The following ALPK2 variants were observed in gnomAD, a reference collection of about 807,000 sequenced individuals.
ALPK2 encodes the protein alpha-protein kinase 2.
ALPK2 carries 127 observed loss-of-function variants against 163.1 expected under a neutral mutation model. That is an observed-to-expected ratio of 0.78 (90% CI 0.67 to 0.90). ALPK2 has a LOEUF of 0.90. Among genes scored for constraint, ALPK2 ranks in the 40% least tolerant of loss-of-function variants. ALPK2 has a pLI of 0.00. For synonymous variants in ALPK2, 953 were observed against 959.1 expected, an observed-to-expected ratio of 0.99 and a Z score of 0.12; for missense variants, 2,360 against 2,589.6, an observed-to-expected ratio of 0.91 and a Z score of 1.92.
intron 1 of ALPK2, among the ~76,000 whole-genome samples, chr18:58,615,198 C>T (rs780450432): frequency 9.2e-5 from 14 of 152,144 alleles, no homozygotes; most frequent in Non-Finnish European, 1.2e-4. Context: ...GTATCAGTAC[C>T]TCATTCCTTT....
Position 58,579,692 on chromosome 18 carries a change from C to T in ALPK2, c.1084G>A (p.Glu362Lys), listed in dbSNP as rs763980190. 8.1e-5 allele frequency: 130 copies of T among 1,614,016 alleles called. No individual in the cohort carries two copies. The highest frequency in any genetic ancestry group is 1.6e-4 in the Middle Eastern group (1 of 6,084). ...CAATGCTCACCGAATTCCATCTCTT[C>T]GTCATCGCTTTCTAATAAAAAAACA... ...EHVFLLESDD[E>K]EMEFGEHCLG... The change falls in exon 4 of 13, where the codon GAA becomes AAA. Residue 362 changes from glutamate to lysine, a missense_variant. Glu to Lys is a moderately conservative substitution (Grantham distance 56, BLOSUM62 1). Coordinates refer to ENST00000361673, the MANE Select transcript of ALPK2 (RefSeq NM_052947.4).
chr18:58,512,123 C>T (rs540124695), intron 10 of ALPK2: 1 of 152,420 alleles, frequency 6.6e-6, no homozygotes, highest in South Asian at 2.1e-4. Context: ...TCTGCAGGAT[C>T]CAGGGCACCC....
rs1420110099 is a variant in ALPK2, at chr18:58,504,022, T to C, written c.6156A>G (p.Arg2052=). 6 of 1,614,090 alleles carry C rather than the reference T, an allele frequency of 3.7e-6. No homozygotes were observed. In the African/African-American group the frequency reaches 8.0e-5, roughly 22 times the overall value. Residue 2052 remains arginine (R), a synonymous_variant, in exon 11 of 13, where the codon AGA becomes AGG. Transcript: ENST00000361673. Reference sequence around the variant, plus strand: ...ATTTCTGACCAGCTTCTGATTCTCTTCTCAAGAAGTTTATTTCTTTCCCAT... The same window carrying C: ...ATTTCTGACCAGCTTCTGATTCTCTCCTCAAGAAGTTTATTTCTTTCCCAT... ...IRDGKEINFL[R]RESEAGQKCC... is the part of the protein sequence containing the mutation.
intron 4 of ALPK2, among the ~76,000 whole-genome samples, chr18:58,555,234 C>T (rs1241968045): frequency 6.6e-6 from 1 of 152,012 alleles, no homozygotes; most frequent in African/African-American, 2.4e-5. Context: ...CTCTTCTTAA[C>T]AATTAGATTC....
intron 4 of ALPK2, among the ~76,000 whole-genome samples, chr18:58,540,101 T>C (rs2051682533): frequency 6.6e-6 from 1 of 152,234 alleles, no homozygotes; most frequent in Non-Finnish European, 1.5e-5. Flanking sequence ...AGGCAAATGC[T>C]CATCTACAAG....
At chr18:58,560,315 T>A (rs1436755669) in intron 4 of ALPK2, among the ~76,000 whole-genome samples, 1 of 152,254 alleles carries the variant, frequency 6.6e-6, no homozygotes, top group Non-Finnish European at 1.5e-5. Context: ...TTGTGAGGCC[T>A]GCTCAGCCAT....
At chr18:58,550,679 CCACCTCCAT>C (rs2051753343) in intron 4 of ALPK2, among the ~76,000 whole-genome samples, 2 of 151,178 alleles carry the variant, frequency 1.3e-5, no homozygotes, top group African/African-American at 4.9e-5. Context: ...AACCCCATCC[CCACCTCCAT>C]CGTGTACAAC....
At position 58,535,011 on chromosome 18, in the gene ALPK2, C is replaced by A. The variant is rs774756996; in HGVS notation, c.5176G>T (p.Gly1726Ter). The A allele has an allele frequency of 3.7e-6, 6 of 1,613,972 alleles. No homozygotes were observed. The Admixed American group carries it at 1.0e-4, about 27-fold the overall frequency. The change falls in exon 5 of 13, where the codon GGA becomes TGA. Residue 1726 changes from glycine to a stop codon, truncating the protein, a stop_gained. Coordinates refer to ENST00000361673, the MANE Select transcript of ALPK2 (RefSeq NM_052947.4). LOFTEE classifies it high-confidence loss of function. The stretch of plus-strand genomic sequence containing the variant: ...CTGGACAAAATTTTCTTCTTTACTC[C>A]CTCAGCTAAATGTCCACTGCCTGGG... Reference protein sequence around the residue: ...EAPGSGHLAEGVKKKILSRVA... With the variant: ...EAPGSGHLAE
rs759047536 is a variant in ALPK2, at chr18:58,579,562, G to A, written c.1214C>T (p.Ser405Leu). 8 of 1,613,416 alleles carry A rather than the reference G, an allele frequency of 5.0e-6. No homozygotes were observed. Among genetic ancestry groups the A allele is most frequent in the Non-Finnish European group, 6.8e-6 (8 of 1,179,994 alleles). The change falls in exon 4 of 13, where the codon TCA (serine) becomes TTA (leucine). Residue 405 changes from serine (S) to leucine (L), a missense_variant. Ser to Leu is a moderately radical substitution (Grantham distance 145). Coordinates refer to ENST00000361673, the MANE Select transcript of ALPK2 (RefSeq NM_052947.4). Reference sequence around the variant, plus strand: ...CCTCACCCCAACTTCTTGGGGTTGTGAGTGATGACCACAGAAGCCAGCAGT... The same window carrying A: ...CCTCACCCCAACTTCTTGGGGTTGTAAGTGATGACCACAGAAGCCAGCAGT... ...VATAGFCGHH[S>L]QPQEVGVRSS...
At chr18:58,621,796 A>G (rs1452281510) in intron 1 of ALPK2, among the ~76,000 whole-genome samples, 2 of 152,164 alleles carry the variant, frequency 1.3e-5, no homozygotes, top group Non-Finnish European at 2.9e-5. Context: ...ATCTTACCTA[A>G]TAAACAAGTA....
At chr18:58,544,015 CT>C (rs755393222) in intron 4 of ALPK2, among the ~76,000 whole-genome samples, 1 of 152,198 alleles carries the variant, frequency 6.6e-6, no homozygotes, top group Non-Finnish European at 1.5e-5. Flanking sequence ...ACATGGCCAT[CT>C]CTCAATTTCT....
At chr18:58,496,115 G>T (rs1460978841) in intron 12 of ALPK2, among the ~76,000 whole-genome samples, 2 of 152,136 alleles carry the variant, frequency 1.3e-5, no homozygotes, top group Non-Finnish European at 2.9e-5. Flanking sequence ...GGCATAAAAT[G>T]GTACCATCAT....
At chr18:58,532,832 A>G (rs550465527) in intron 5 of ALPK2, among the ~76,000 whole-genome samples, 1 of 152,288 alleles carries the variant, frequency 6.6e-6, no homozygotes, top group South Asian at 2.1e-4. Context: ...CCAGAGGCTA[A>G]GGCATTTGCC....
intron 12 of ALPK2, among the ~76,000 whole-genome samples, chr18:58,482,506 TAAGAGGTC>T (rs371323973): frequency 1.1e-4 from 16 of 152,182 alleles, no homozygotes; most frequent in African/African-American, 3.9e-4. Flanking sequence ...AAATTCAGGT[TAAGAGGTC>T]ATGAGACTAC....
chr18:58,563,743 A>G (rs1280350644), intron 4 of ALPK2, among the ~76,000 whole-genome samples: 4 of 152,222 alleles, frequency 2.6e-5, no homozygotes, highest in Non-Finnish European at 5.9e-5. Context: ...GTACCATAAT[A>G]TATTTTACCA....
rs200719522 is a variant in ALPK2, at chr18:58,482,033, C to G, written c.6303G>C (p.Lys2101Asn). 5 of 1,613,042 alleles carry G rather than the reference C, an allele frequency of 3.1e-6. No homozygotes were observed. In the Admixed American group the frequency reaches 8.3e-5, roughly 27 times the overall value. Residue 2101 changes from lysine to asparagine, a missense_variant, in exon 13 of 13, where the codon AAG (lysine) becomes AAC (asparagine). Lys to Asn is a moderately conservative substitution (Grantham distance 94). Transcript: ENST00000361673. ...TCATGGAACAGTTGCCTTTAAATCCCTTGTACCTGTGAGTTTGGGTGGAAG... is the reference window on the plus strand; with the variant it reads ...TCATGGAACAGTTGCCTTTAAATCCGTTGTACCTGTGAGTTTGGGTGGAAG... Reference protein sequence around the residue: ...VGIATLAKGYKGFKGNCSMTF... With the variant: ...VGIATLAKGYNGFKGNCSMTF...
At chr18:58,483,501 C>T (rs1453659482) in intron 12 of ALPK2, among the ~76,000 whole-genome samples, 1 of 151,694 alleles carries the variant, frequency 6.6e-6, no homozygotes, top group African/African-American at 2.4e-5. Context: ...GATGCTCCTT[C>T]CTCCTTTTTC....
At chr18:58,541,322 A>G (rs2051688633) in intron 4 of ALPK2, among the ~76,000 whole-genome samples, 1 of 152,192 alleles carries the variant, frequency 6.6e-6, no homozygotes, top group South Asian at 2.1e-4. Context: ...AAACAACCAG[A>G]TCTCACAAGA....
chr18:58,546,746 G>C (rs541371101), intron 4 of ALPK2, among the ~76,000 whole-genome samples: 22 of 152,086 alleles, frequency 1.4e-4, no homozygotes, highest in Non-Finnish European at 2.6e-4. Flanking sequence ...TTCTTTTCCT[G>C]CATGCATCTG....
Sources: gnomAD v4.1 joint callset for allele counts (sites outside exome capture counted in the v4.1 genomes callset) on GRCh38, gnomAD v4.1.1 for gene constraint, MANE v1.5 for transcripts, NCBI Gene and HGNC (gene_info 2026-07-23, HGNC 2026-07-21) for gene names.